Variants in FAR2 observed in about 807,000 individuals in gnomAD.
The protein encoded by FAR2 is fatty acyl-CoA reductase 2, also known as epididymis secretory protein Li 81.
In FAR2, 19 loss-of-function variants were observed where a neutral mutation model predicts 56.0. The observed-to-expected ratio is 0.34, with a 90% CI of 0.24 to 0.50. The LOEUF is 0.50. Among genes scored for constraint, FAR2 ranks in the 20% least tolerant of loss-of-function variants. The probability of loss-of-function intolerance (pLI) is 0.98; values close to 1 mark genes in which losing one functional copy is unlikely to be tolerated. For synonymous variants in FAR2, 219 were observed against 218.8 expected (o/e 1.00, Z -0.01); for missense variants, 508 against 642.2 (o/e 0.79, Z 2.26).
chr12:29,333,529 T>A (rs1949760353), intron 11 of FAR2, 103 bp from the exon 12 acceptor site: 1 of 1,103,332 alleles, frequency 9.1e-7, no homozygotes, highest in Non-Finnish European at 1.3e-6. Context: ...GAGCACTTCA[T>A]AAATACTTGC....
At chr12:29,253,241 C>A (rs1948248288) in intron 1 of FAR2, among the ~76,000 whole-genome samples, 1 of 80,652 alleles carries the variant, frequency 1.2e-5, no homozygotes, top group South Asian at 3.5e-4. Context: ...AGATAGATAT[C>A]TATATATCGA....
chr12:29,170,548 A>G (rs950934133), intron 1 of FAR2, among the ~76,000 whole-genome samples: 2 of 151,854 alleles, frequency 1.3e-5, no homozygotes, highest in African/African-American at 4.8e-5. Flanking sequence ...TAGTATTTTC[A>G]TCTCTCTTTC....
chr12:29,210,290 C>G (rs1002796381), intron 1 of FAR2, among the ~76,000 whole-genome samples: 4 of 152,046 alleles, frequency 2.6e-5, no homozygotes, highest in Non-Finnish European at 5.9e-5. Flanking sequence ...ACAAGCTAGA[C>G]AGTTTATCAG....
At chr12:29,185,497 G>A (rs1382997980) in intron 1 of FAR2, among the ~76,000 whole-genome samples, 3 of 152,118 alleles carry the variant, frequency 2.0e-5, no homozygotes, top group Non-Finnish European at 2.9e-5. Flanking sequence ...ACATTATACC[G>A]GGTGAACAAC....
chr12:29,152,133 G>A (rs1239024429), intron 1 of FAR2, among the ~76,000 whole-genome samples: 2 of 152,304 alleles, frequency 1.3e-5, no homozygotes, highest in South Asian at 2.1e-4. Context: ...TAACTTCTTG[G>A]ATCCCAAAGG....
At chr12:29,154,716 C>T (rs999561685) in intron 1 of FAR2, among the ~76,000 whole-genome samples, 1 of 152,132 alleles carries the variant, frequency 6.6e-6, no homozygotes, top group East Asian at 1.9e-4. Flanking sequence ...TGAGCCACCG[C>T]ACTGGGCCCC....
intron 1 of FAR2, among the ~76,000 whole-genome samples, chr12:29,269,273 AG>A (rs1948573841): frequency 6.6e-6 from 1 of 152,186 alleles, no homozygotes; most frequent in African/African-American, 2.4e-5. Flanking sequence ...TTCTTTGCTG[AG>A]AAAAAGAATT....
At chr12:29,152,877 G>T (rs1288214517) in intron 1 of FAR2, among the ~76,000 whole-genome samples, 3 of 152,232 alleles carry the variant, frequency 2.0e-5, no homozygotes, top group Non-Finnish European at 4.4e-5. Context: ...CTTAGAGATA[G>T]CCCTTAAAGT....
intron 1 of FAR2, among the ~76,000 whole-genome samples, chr12:29,157,282 C>T (rs146577537): frequency 3.7e-4 from 56 of 151,888 alleles, no homozygotes; most frequent in African/African-American, 1.3e-3. Flanking sequence ...TGTATTATTT[C>T]GAAGTCCTAG....
At position 29,323,455 on chromosome 12, in the gene FAR2, T is replaced by C. The variant is rs185096360; in HGVS notation, c.1257+1531T>C. On this transcript the variant is annotated intron_variant, in intron 10 of 11. Coordinates refer to ENST00000536681, the MANE Select transcript of FAR2 (RefSeq NM_001271783.2). ...AGAATGGGCAGACTGCCTCCTCAAG[T>C]GGGTCCCTGACCCCCAAGTAGCCTA... 8.1e-3 allele frequency among the ~76,000 whole-genome samples: 1,228 copies of C among 152,268 alleles called. 10 individuals are homozygous for C. The highest frequency in any genetic ancestry group is 0.028 in the African/African-American group (1,166 of 41,554).
intron 1 of FAR2, among the ~76,000 whole-genome samples, chr12:29,260,241 T>G (rs1948393593): frequency 6.6e-6 from 1 of 152,316 alleles, no homozygotes; most frequent in Non-Finnish European, 1.5e-5. Flanking sequence ...TAGGCTTTTC[T>G]GCAACGAGGA....
intron 2 of FAR2, among the ~76,000 whole-genome samples, chr12:29,275,340 A>G (rs577593162): frequency 2.6e-5 from 4 of 152,078 alleles, no homozygotes; most frequent in Non-Finnish European, 5.9e-5. Flanking sequence ...CAGTTAAGGC[A>G]GGAACAGGCC....
intron 2 of FAR2, among the ~76,000 whole-genome samples, chr12:29,287,206 G>T (rs188644779): frequency 3.3e-5 from 5 of 152,264 alleles, no homozygotes; most frequent in Admixed American, 2.6e-4. Flanking sequence ...TCAGGACATA[G>T]GTTTGTTTGT....
intron 1 of FAR2, among the ~76,000 whole-genome samples, chr12:29,199,757 AAG>A (rs1947383414): frequency 6.6e-6 from 1 of 152,142 alleles, no homozygotes; most frequent in Non-Finnish European, 1.5e-5. Context: ...ACACACGTGA[AAG>A]AGGTTGACTG....
At chr12:29,229,938 C>G (rs1055955725) in intron 1 of FAR2, among the ~76,000 whole-genome samples, 2 of 152,046 alleles carry the variant, frequency 1.3e-5, no homozygotes, top group African/African-American at 2.4e-5. Context: ...ATAAAGGGAA[C>G]GGCATTCATT....
chr12:29,265,818 A>G (rs1435118909), intron 1 of FAR2, among the ~76,000 whole-genome samples: 2 of 152,136 alleles, frequency 1.3e-5, no homozygotes, highest in Non-Finnish European at 2.9e-5. Flanking sequence ...AAGTCTATAG[A>G]ACAAAATCTA....
At chr12:29,277,479 A>G (rs904728858) in intron 2 of FAR2, 2 of 152,236 alleles carry the variant, frequency 1.3e-5, no homozygotes, top group African/African-American at 4.8e-5. Flanking sequence ...GCAATAAAGT[A>G]GAAAATAAAA....
chr12:29,322,880 T>C (rs1949575823), intron 10 of FAR2, among the ~76,000 whole-genome samples: 2 of 152,202 alleles, frequency 1.3e-5, no homozygotes, highest in African/African-American at 4.8e-5. Flanking sequence ...CCCTTGCACT[T>C]CCTGGGTGAG....
chr12:29,218,086 G>T (rs550171932), intron 1 of FAR2, among the ~76,000 whole-genome samples: 1 of 152,126 alleles, frequency 6.6e-6, no homozygotes, highest in South Asian at 2.1e-4. Context: ...GCCGGGTGTG[G>T]TGGCTCACGC....
Sources: allele counts gnomAD v4.1 joint callset (sites outside exome capture counted in the v4.1 genomes callset), GRCh38; gene constraint gnomAD v4.1.1; transcripts MANE v1.5; gene names NCBI Gene and HGNC (gene_info 2026-07-23, HGNC 2026-07-21).